Variants in CALN1 observed in about 807,000 individuals in gnomAD.
CALN1 encodes calcium-binding protein 8.
A neutral mutation model predicts 30.6 loss-of-function variants in CALN1; 17 were observed. That is an observed-to-expected ratio of 0.56 (90% CI 0.38 to 0.83). The LOEUF is 0.83. Among genes scored for constraint, CALN1 ranks in the 40% least tolerant of loss-of-function variants. The probability of loss-of-function intolerance (pLI) is 0.00; values close to 1 mark genes in which losing one functional copy is unlikely to be tolerated. For synonymous variants in CALN1, 156 were observed against 131.4 expected (o/e 1.19, Z -1.28); for missense variants, 291 against 354.9 (o/e 0.82, Z 1.45).
intron 5 of CALN1, among the ~76,000 whole-genome samples, chr7:72,006,403 C>CTTA (rs1431457395): frequency 1.3e-5 from 2 of 151,996 alleles, no homozygotes; most frequent in African/African-American, 4.8e-5. Flanking sequence ...AATAAAATAG[C>CTTA]TTAAAAGCAA....
At chr7:72,160,120 T>C (rs915849101) in intron 3 of CALN1, among the ~76,000 whole-genome samples, 1 of 152,036 alleles carries the variant, frequency 6.6e-6, no homozygotes, top group Non-Finnish European at 1.5e-5. Flanking sequence ...CTAAGTTACG[T>C]AGTAACACAG....
At chr7:71,898,841 CAAG>C (rs1309847743) in intron 5 of CALN1, among the ~76,000 whole-genome samples, 2 of 152,098 alleles carry the variant, frequency 1.3e-5, no homozygotes, top group African/African-American at 4.8e-5. Context: ...ACAATGGATA[CAAG>C]AAGACACTGG....
At chr7:72,263,379 TTTTTA>T (rs542599338) in intron 3 of CALN1, among the ~76,000 whole-genome samples, 22 of 152,216 alleles carry the variant, frequency 1.4e-4, no homozygotes, top group South Asian at 1.2e-3. Flanking sequence ...CAACCATGCA[TTTTTA>T]TTTTATTTTA....
chr7:72,290,742 T>G (rs1426284685), intron 2 of CALN1, among the ~76,000 whole-genome samples: 6 of 152,158 alleles, frequency 3.9e-5, no homozygotes, highest in African/African-American at 1.4e-4. Flanking sequence ...ATTTGCAAAT[T>G]TGTACTTTCT....
intron 3 of CALN1, among the ~76,000 whole-genome samples, chr7:72,212,091 G>A (rs374606086): frequency 1.7e-4 from 26 of 152,226 alleles, no homozygotes; most frequent in African/African-American, 6.0e-4. Flanking sequence ...GGTGACTCAT[G>A]CCTGTAATCC....
chr7:72,286,147 G>A (rs1798065769), intron 2 of CALN1, among the ~76,000 whole-genome samples: 1 of 152,172 alleles, frequency 6.6e-6, no homozygotes, highest in Non-Finnish European at 1.5e-5. Flanking sequence ...ACAGGGATAA[G>A]AAGAGATTGT....
At chr7:72,343,211 G>A (rs1169558716) in intron 2 of CALN1, among the ~76,000 whole-genome samples, 2 of 152,196 alleles carry the variant, frequency 1.3e-5, no homozygotes, top group East Asian at 3.8e-4. Flanking sequence ...TTGGAAGCTG[G>A]AGAAAAGAAC....
the CALN1 span, among the ~76,000 whole-genome samples, chr7:72,474,652 T>C: frequency 6.6e-6 from 1 of 151,470 alleles, no homozygotes; most frequent in African/African-American, 2.4e-5. Flanking sequence ...ACCACTGCAC[T>C]CTAGCCTGGG....
chr7:71,980,320 G>A, intron 5 of CALN1, among the ~76,000 whole-genome samples: 1 of 150,646 alleles, frequency 6.6e-6, no homozygotes, highest in East Asian at 1.9e-4. Context: ...CTGTGTAGCT[G>A]GGATTACAGG....
intron 2 of CALN1, among the ~76,000 whole-genome samples, chr7:72,391,161 C>T (rs1436792639): frequency 6.6e-6 from 1 of 152,174 alleles, no homozygotes; most frequent in Non-Finnish European, 1.5e-5. Flanking sequence ...CACCTCCCAA[C>T]CGCAGAGGCT....
At chr7:72,132,945 T>C (rs1005747681) in intron 3 of CALN1, among the ~76,000 whole-genome samples, 2 of 152,142 alleles carry the variant, frequency 1.3e-5, no homozygotes, top group East Asian at 1.9e-4. Context: ...AGCAGCAGCA[T>C]TGGATTCTCA....
chr7:72,136,123 A>AGACT (rs1809491981), intron 3 of CALN1, among the ~76,000 whole-genome samples: 2 of 150,838 alleles, frequency 1.3e-5, no homozygotes, highest in African/African-American at 2.4e-5. Context: ...CAACAGAAAA[A>AGACT]GACTCTGTCT....
chr7:72,450,961 A>G (rs1808643802), upstream of CALN1, among the ~76,000 whole-genome samples: 3 of 152,120 alleles, frequency 2.0e-5, no homozygotes, highest in Admixed American at 6.6e-5. Context: ...AGTTCTCTCA[A>G]TCATGTCCCC....
At position 71,783,262 on chromosome 7, in the gene CALN1, A is replaced by C. The variant is rs1407369299; in HGVS notation, c.*4513T>G. 6.6e-6 allele frequency: 1 copy of C among 152,104 alleles called. No homozygotes were observed. The highest frequency in any genetic ancestry group is 1.5e-5 in the Non-Finnish European group (1 of 68,022). The allele number at this position is 152,104 out of a possible 1,614,324, so 9.4% of individuals were successfully genotyped here. A position where few individuals can be genotyped will look rare whatever the true frequency, so the allele number is the denominator to read the frequency against. ...GCAGCTCTGCAGACCTCCTGGTTAT[A>C]CAACCAGGATGTGTGACGTGCTGAA... On this transcript the variant is annotated 3_prime_UTR_variant, in exon 7 of 7. Coordinates refer to ENST00000395275, the MANE Select transcript of CALN1 (RefSeq NM_031468.4).
intron 5 of CALN1, among the ~76,000 whole-genome samples, chr7:71,922,131 G>A (rs1214696158): frequency 6.6e-6 from 1 of 152,154 alleles, no homozygotes; most frequent in Non-Finnish European, 1.5e-5. Context: ...GTCAGGTATG[G>A]TCACAAATGG....
intron 3 of CALN1, among the ~76,000 whole-genome samples, chr7:72,145,128 G>T (rs1252602513): frequency 2.6e-5 from 4 of 152,122 alleles, no homozygotes; most frequent in Non-Finnish European, 5.9e-5. Context: ...GATCAGAGCA[G>T]AACTGAAGGA....
the CALN1 span, among the ~76,000 whole-genome samples, chr7:72,477,815 C>T: frequency 6.6e-6 from 1 of 152,180 alleles, no homozygotes; most frequent in East Asian, 1.9e-4. Context: ...CTGCCTCAGA[C>T]TCTCCTTCTC....
At chr7:72,199,784 G>A (rs1402562068) in intron 3 of CALN1, among the ~76,000 whole-genome samples, 2 of 152,064 alleles carry the variant, frequency 1.3e-5, no homozygotes, top group African/African-American at 4.8e-5. Context: ...CAGCTGCAGT[G>A]AGCTGTGATT....
chr7:71,791,364 C>T (rs373884147), intron 6 of CALN1, among the ~76,000 whole-genome samples: 15 of 152,240 alleles, frequency 9.9e-5, no homozygotes, highest in Middle Eastern at 3.4e-3. Context: ...TCTAGCTCTT[C>T]GAGGAATCGC....
Sources: allele counts gnomAD v4.1 joint callset (sites outside exome capture counted in the v4.1 genomes callset), GRCh38; gene constraint gnomAD v4.1.1; transcripts MANE v1.5; gene names NCBI Gene and HGNC (gene_info 2026-07-23, HGNC 2026-07-21).